The following ASTN1 variants were observed in gnomAD, a reference collection of about 807,000 sequenced individuals.
ASTN1 encodes astrotactin-1.
A neutral mutation model predicts 140.7 loss-of-function variants in ASTN1; 41 were observed. The observed-to-expected ratio is 0.29, with a 90% confidence interval of 0.23 to 0.38. The LOEUF is 0.38. ASTN1 is among the 10% of genes least tolerant of loss of function. The probability of loss-of-function intolerance (pLI) is 1.00; values close to 1 mark genes in which losing one functional copy is unlikely to be tolerated. For missense variants in ASTN1, 1,479 were observed against 1,678.8 expected, an observed-to-expected ratio of 0.88 and a Z score of 2.08; for synonymous variants, 640 against 652.2, an observed-to-expected ratio of 0.98 and a Z score of 0.29.
rs1013102515 is a variant in ASTN1, at chr1:176,863,994, A to G, written c.*290T>C. The G allele has an allele frequency of 2.7e-5, 31 of 1,133,034 alleles. No individual in the cohort carries two copies. The African/African-American group carries it at 3.2e-4, about 12-fold the overall frequency. 70.2% of individuals were successfully genotyped at this position (1,133,034 alleles called of 1,614,324 possible). On this transcript the variant is annotated 3_prime_UTR_variant, in exon 23 of 23. Transcript: ENST00000361833. ...GAGCATTTTGGTAAACTTCTCAGGG[A>G]AAAAAAAATGAATGGAACAAATTAA...
chr1:177,037,711 T>G (rs1243171180), intron 2 of ASTN1, among the ~76,000 whole-genome samples: 1 of 152,224 alleles, frequency 6.6e-6, no homozygotes, highest in Non-Finnish European at 1.5e-5. Context: ...ATTATTCATC[T>G]TTGCATGAAT....
intron 1 of ASTN1, among the ~76,000 whole-genome samples, chr1:177,089,087 G>A (rs183369053): frequency 1.3e-5 from 2 of 152,086 alleles, no homozygotes; most frequent in Non-Finnish European, 2.9e-5. Context: ...AAGAGAGGAC[G>A]CTGATTTTTC....
At chr1:176,965,771 C>T (rs114254152) in intron 8 of ASTN1, among the ~76,000 whole-genome samples, 237 of 152,334 alleles carry the variant, frequency 1.6e-3, no homozygotes, top group African/African-American at 5.6e-3. Context: ...CCAAAGACTG[C>T]AGCTCATATA....
At chr1:176,944,079 A>ATTTT in intron 13 of ASTN1, 61 bp from the exon 14 acceptor site, 4 of 1,416,018 alleles carry the variant, frequency 2.8e-6, no homozygotes, top group Admixed American at 4.5e-5. Context: ...CTTACTGAGC[A>ATTTT]TTTTTTTTTT....
chr1:177,015,199 T>G (rs939850690), intron 7 of ASTN1, among the ~76,000 whole-genome samples: 3 of 152,216 alleles, frequency 2.0e-5, no homozygotes, highest in African/African-American at 7.2e-5. Flanking sequence ...CTTTATTTTC[T>G]CAATGCCCAG....
Position 177,127,676 on chromosome 1 carries a change from A to G in ASTN1, c.283+36718T>C, listed in dbSNP as rs116133804. On this transcript the variant is annotated intron_variant, in intron 1 of 22. Coordinates refer to ENST00000361833, the MANE Select transcript of ASTN1 (RefSeq NM_004319.3). ...CTGAAGATCCCTGGGTATTGCCGAT[A>G]CTTGTGCAGGGCAGCCAGTGACTCA... Among the ~76,000 whole-genome samples, 304 of 152,320 alleles carry G rather than the reference A, an allele frequency of 2.0e-3. 1 individual carries two copies. The highest frequency in any genetic ancestry group is 7.0e-3 in the African/African-American group (290 of 41,578).
At chr1:177,142,160 T>C (rs189283798) in intron 1 of ASTN1, among the ~76,000 whole-genome samples, 88 of 152,306 alleles carry the variant, frequency 5.8e-4, no homozygotes, top group Non-Finnish European at 4.7e-4. Context: ...TGGTCATATT[T>C]TTCTGAACTT....
At chr1:176,913,069 C>G (rs550953248) in intron 16 of ASTN1, among the ~76,000 whole-genome samples, 2 of 152,302 alleles carry the variant, frequency 1.3e-5, no homozygotes, top group East Asian at 3.9e-4. Flanking sequence ...GCTGGAAGAT[C>G]AAATTCTATC....
At chr1:177,011,016 G>A (rs183061493) in intron 8 of ASTN1, among the ~76,000 whole-genome samples, 24 of 152,192 alleles carry the variant, frequency 1.6e-4, no homozygotes, top group African/African-American at 5.8e-4. Flanking sequence ...GAGCTTTAAT[G>A]TCCACAGCCT....
intron 2 of ASTN1, among the ~76,000 whole-genome samples, chr1:177,051,839 G>A (rs77203395): frequency 0.07 from 10,692 of 152,218 alleles, 460 homozygotes; most frequent in South Asian, 0.13. Context: ...TTGTGAATGA[G>A]AGTAATAACA....
chr1:177,108,675 G>A (rs973925811), intron 1 of ASTN1, among the ~76,000 whole-genome samples: 1 of 152,178 alleles, frequency 6.6e-6, no homozygotes, highest in African/African-American at 2.4e-5. Flanking sequence ...AATTGGTGAT[G>A]TCATTTATTG....
intron 2 of ASTN1, among the ~76,000 whole-genome samples, chr1:177,048,015 C>T (rs1677330753): frequency 2.0e-5 from 3 of 152,088 alleles, no homozygotes; most frequent in African/African-American, 7.2e-5. Flanking sequence ...AAAATACAGG[C>T]CTTTGAATGC....
intron 16 of ASTN1, among the ~76,000 whole-genome samples, chr1:176,931,736 T>C (rs1671212586): frequency 1.3e-5 from 2 of 152,160 alleles, no homozygotes; most frequent in South Asian, 4.1e-4. Context: ...TTTTACACCA[T>C]TACTACCACC....
intron 18 of ASTN1, among the ~76,000 whole-genome samples, chr1:176,887,534 C>A (rs1319315004): frequency 1.3e-5 from 2 of 152,216 alleles, no homozygotes; most frequent in Admixed American, 6.5e-5. Context: ...TGCCTCTTAA[C>A]CAATTCTGCT....
intron 21 of ASTN1, among the ~76,000 whole-genome samples, chr1:176,875,856 A>G (rs1203900632): frequency 1.3e-5 from 2 of 152,230 alleles, no homozygotes; most frequent in Non-Finnish European, 2.9e-5. Flanking sequence ...AGGATGATTA[A>G]AATTCTGGTT....
intron 14 of ASTN1, among the ~76,000 whole-genome samples, chr1:176,938,791 G>A (rs928426679): frequency 6.6e-6 from 1 of 152,174 alleles, no homozygotes; most frequent in Non-Finnish European, 1.5e-5. Context: ...GGCAGGTTGT[G>A]AGAACAAAAT....
Position 176,868,966 on chromosome 1 carries a change from G to C in ASTN1, c.3525C>G (p.Thr1175=). The C allele has an allele frequency of 1.2e-6, 2 of 1,612,060 alleles. No individual in the cohort carries two copies. Among genetic ancestry groups the C allele is most frequent in the South Asian group, 1.1e-5 (1 of 90,756 alleles). The change falls in exon 22 of 23, where the codon ACC becomes ACG. Residue 1175 remains threonine, a synonymous_variant. Coordinates refer to ENST00000361833, the MANE Select transcript of ASTN1 (RefSeq NM_004319.3). ...NGYTSGKEQQ[T]AYNTLLDLGS... is the part of the protein sequence containing the mutation. Reference sequence around the variant, plus strand: ...CCAGATCCAGGAGGGTGTTGTAGGCGGTCTGCTGCTCCTTCCCACTAGTGT... The same window carrying C: ...CCAGATCCAGGAGGGTGTTGTAGGCCGTCTGCTGCTCCTTCCCACTAGTGT...
In ASTN1 at chr1:177,024,739, G is replaced by A. The variant is rs1558039153; in HGVS notation, c.1121-7C>T. 2 of 1,612,112 alleles carry A rather than the reference G, an allele frequency of 1.2e-6. No individual in the cohort carries two copies. The highest frequency in any genetic ancestry group is 1.1e-5 in the South Asian group (1 of 90,926). On this transcript the variant is annotated splice_polypyrimidine_tract_variant and splice_region_variant and intron_variant, in intron 5 of 22. Transcript: ENST00000361833. ...GGACTTCGGGGAGAACCCACTGAAA[G>A]TGAGACAAAAGCAAGATACATGGTG...
chr1:177,029,989 C>T (rs1474101257), intron 4 of ASTN1, among the ~76,000 whole-genome samples: 1 of 152,170 alleles, frequency 6.6e-6, no homozygotes, highest in Non-Finnish European at 1.5e-5. Flanking sequence ...CCATTTCTGG[C>T]ACCTATCTGC....
Sources: allele counts gnomAD v4.1 joint callset (sites outside exome capture counted in the v4.1 genomes callset), GRCh38; gene constraint gnomAD v4.1.1; transcripts MANE v1.5; gene names NCBI Gene and HGNC (gene_info 2026-07-23, HGNC 2026-07-21).